GNAL: variants seen among roughly 807,000 people sequenced by gnomAD.
The protein encoded by GNAL is G protein subunit alpha L, also known as guanine nucleotide-binding protein G(olf) subunit alpha.
Under a neutral mutation model 55.1 loss-of-function variants are expected in GNAL, and 18 were observed. That is an observed-to-expected ratio of 0.33 (90% CI 0.23 to 0.48). The LOEUF (loss-of-function observed/expected upper bound fraction) is 0.48. Ranked by LOEUF, GNAL falls within the 20% of genes least tolerant of loss-of-function variation. The probability of loss-of-function intolerance (pLI) is 0.99; values close to 1 mark genes in which losing one functional copy is unlikely to be tolerated. For synonymous variants in GNAL, 253 were observed against 237.0 expected (o/e 1.07, Z -0.62); for missense variants, 412 against 614.1 (o/e 0.67, Z 3.48).
At chr18:11,847,337 G>A (rs1240909352) in intron 5 of GNAL, among the ~76,000 whole-genome samples, 3 of 151,264 alleles carry the variant, frequency 2.0e-5, no homozygotes, top group Non-Finnish European at 4.4e-5. Flanking sequence ...GAAACATACT[G>A]ATGAGAATCC....
rs549966956 is a variant in GNAL, at chr18:11,835,297, G to A, written c.722+10282G>A. Among the ~76,000 whole-genome samples the A allele has an allele frequency of 1.9e-3, 293 of 152,050 alleles. 2 individuals are homozygous for A. Among genetic ancestry groups the A allele is most frequent in the African/African-American group, 6.9e-3 (285 of 41,462 alleles). On this transcript the variant is annotated intron_variant, in intron 5 of 11. Transcript: ENST00000334049. ...TCAAAAATAAGATGGGTTGAGGAAT[G>A]GATACATGGATAGATCTGTGATTTT...
intron 4 of GNAL, among the ~76,000 whole-genome samples, chr18:11,765,562 A>G (rs1598438362): frequency 6.6e-6 from 1 of 151,510 alleles, no homozygotes; most frequent in Non-Finnish European, 1.5e-5. Context: ...CTCTTCACCC[A>G]CCTCCCCACT....
At chr18:11,812,852 A>C (rs572878814) in intron 4 of GNAL, among the ~76,000 whole-genome samples, 1 of 152,232 alleles carries the variant, frequency 6.6e-6, no homozygotes, top group East Asian at 1.9e-4. Flanking sequence ...CAAAAAAAAA[A>C]ATTAAGAAAT....
chr18:11,809,724 T>C (rs536213023), intron 4 of GNAL, among the ~76,000 whole-genome samples: 2 of 152,138 alleles, frequency 1.3e-5, no homozygotes, highest in African/African-American at 4.8e-5. Context: ...CAGAGTAAGA[T>C]TCTGTCTCAA....
intron 4 of GNAL, among the ~76,000 whole-genome samples, chr18:11,759,826 CTG>C (rs1314930502): frequency 6.6e-6 from 1 of 152,232 alleles, no homozygotes; most frequent in African/African-American, 2.4e-5. Flanking sequence ...CGCACAATAT[CTG>C]TGTTCCCTCT....
chr18:11,764,952 C>G (rs73946312), intron 4 of GNAL, among the ~76,000 whole-genome samples: 10,738 of 152,242 alleles, frequency 0.071, 420 homozygotes, highest in Middle Eastern at 0.15. Context: ...TGTTTTACAT[C>G]TATTCTTCAA....
intron 5 of GNAL, among the ~76,000 whole-genome samples, chr18:11,838,660 G>A (rs2035547994): frequency 6.6e-6 from 1 of 152,190 alleles, no homozygotes; most frequent in African/African-American, 2.4e-5. Context: ...AAGTGGGTAA[G>A]ATGCATTATG....
chr18:11,807,018 G>A (rs140337131), intron 4 of GNAL, among the ~76,000 whole-genome samples: 2 of 152,044 alleles, frequency 1.3e-5, no homozygotes, highest in African/African-American at 4.8e-5. Context: ...AATTAGCCGG[G>A]CATGGTGGCG....
chr18:11,885,522 G>A lies in GNAL; in HGVS notation c.*4387G>A. On this transcript the variant is annotated 3_prime_UTR_variant, in exon 12 of 12. Coordinates refer to ENST00000334049, the MANE Select transcript of GNAL (RefSeq NM_182978.4). ...CTGATTGGTTCCCGGAAGGGTGTTT[G>A]GCAAGGGGCAGTGTATGGAGCTACG... 1.2e-6 allele frequency: 1 copy of A among 863,742 alleles called. No homozygotes were observed. The highest frequency in any genetic ancestry group is 1.8e-6 in the Non-Finnish European group (1 of 563,654). The allele number at this position is 863,742 out of a possible 1,614,324, so 53.5% of individuals were successfully genotyped here. A position where few individuals can be genotyped will look rare whatever the true frequency, so the allele number is the denominator to read the frequency against.
intron 4 of GNAL, among the ~76,000 whole-genome samples, chr18:11,795,571 A>T (rs1338806423): frequency 6.6e-6 from 1 of 152,208 alleles, no homozygotes; most frequent in Non-Finnish European, 1.5e-5. Context: ...ACAGAAGAGC[A>T]GATGTAGTGA....
intron 5 of GNAL, among the ~76,000 whole-genome samples, chr18:11,844,161 C>G (rs2035680404): frequency 6.6e-6 from 1 of 151,946 alleles, no homozygotes; most frequent in African/African-American, 2.4e-5. Flanking sequence ...GGGCCGGGCA[C>G]AGTGGCTCAC....
At chr18:11,747,647 T>TAGGGGTACTGGGGATGGAC (rs1300569798) in intron 1 of GNAL, 3 of 142,840 alleles carry the variant, frequency 2.1e-5, no homozygotes, top group Non-Finnish European at 4.6e-5. Context: ...TGGGGATGGA[T>TAGGGGTACTGGGGATGGAC]AGGGGGGCAA....
intron 5 of GNAL, chr18:11,851,698 G>T: frequency 6.2e-7 from 1 of 1,614,052 alleles, no homozygotes; most frequent in Non-Finnish European, 8.5e-7. Context: ...GAACCAGGCG[G>T]TGAATTTCTT....
intron 1 of GNAL, among the ~76,000 whole-genome samples, chr18:11,699,899 A>G (rs947890032): frequency 6.6e-6 from 1 of 152,026 alleles, no homozygotes; most frequent in Non-Finnish European, 1.5e-5. Flanking sequence ...GGATTGCCGT[A>G]CTCTATGAGG....
intron 5 of GNAL, among the ~76,000 whole-genome samples, chr18:11,829,294 G>C (rs1472310311): frequency 6.6e-6 from 1 of 151,986 alleles, no homozygotes; most frequent in South Asian, 2.1e-4. Context: ...CGTTTAGCTC[G>C]TTTCACCCAT....
intron 7 of GNAL, among the ~76,000 whole-genome samples, chr18:11,865,404 TCCTCTGAG>T (rs2036240001): frequency 6.7e-6 from 1 of 149,328 alleles, no homozygotes; most frequent in East Asian, 1.9e-4. Context: ...GTTCATCTTG[TCCTCTGAG>T]CCTCAGATGC....
Position 11,753,891 on chromosome 18 carries a change from T to G in GNAL, c.570T>G (p.Phe190Leu), listed in dbSNP as rs746368758. 1 of 1,609,372 alleles carries G rather than the reference T, an allele frequency of 6.2e-7. No homozygotes were observed. The highest frequency in any genetic ancestry group is 8.5e-7 in the Non-Finnish European group (1 of 1,175,808). ...PVPLANPENQ[F>L]RSDYIKSIAP... is the part of the protein sequence containing the mutation. Reference sequence around the variant, plus strand: ...CGCTGGCCAACCCTGAAAACCAATTTCGATCAGACTACATCAAGAGCATAG... The same window carrying G: ...CGCTGGCCAACCCTGAAAACCAATTGCGATCAGACTACATCAAGAGCATAG... The change falls in exon 4 of 12, where the codon TTT becomes TTG. Residue 190 changes from phenylalanine (F) to leucine (L), a missense_variant. Phe to Leu is a conservative substitution (Grantham distance 22). Transcript: ENST00000334049.
At chr18:11,743,055 G>A (rs1349957962) in intron 1 of GNAL, among the ~76,000 whole-genome samples, 2 of 152,096 alleles carry the variant, frequency 1.3e-5, no homozygotes, top group Non-Finnish European at 2.9e-5. Context: ...TGGACTCTAC[G>A]AACCATCTTC....
chr18:11,774,907 C>G (rs2033736630), intron 4 of GNAL, among the ~76,000 whole-genome samples: 1 of 152,212 alleles, frequency 6.6e-6, no homozygotes, highest in South Asian at 2.1e-4. Flanking sequence ...AATAATCAGT[C>G]CATGAGTGCC....
Sources: allele counts gnomAD v4.1 joint callset (sites outside exome capture counted in the v4.1 genomes callset), GRCh38; gene constraint gnomAD v4.1.1; transcripts MANE v1.5; gene names NCBI Gene and HGNC (gene_info 2026-07-23, HGNC 2026-07-21).